ITFG1: variants seen among roughly 807,000 people sequenced by gnomAD.
ITFG1 encodes T-cell immunomodulatory protein.
In ITFG1, 34 loss-of-function variants were observed where a neutral mutation model predicts 81.8. That is an observed-to-expected ratio of 0.42 (90% CI 0.32 to 0.55). ITFG1 has a LOEUF of 0.55. Ranked by LOEUF, ITFG1 falls within the 20% of genes least tolerant of loss-of-function variation. The pLI is 0.17. For synonymous variants in ITFG1, 285 were observed against 270.6 expected (o/e 1.05, Z -0.52); for missense variants, 672 against 755.4 (o/e 0.89, Z 1.29).
rs150884858 is a variant in ITFG1 at position 47,170,517 on chromosome 16, C to G, written c.1454-7853G>C. On this transcript the variant is annotated intron_variant, in intron 14 of 17. Transcript: ENST00000320640. The stretch of plus-strand genomic sequence containing the variant: ...TGATCTTGGCTCACTGCAACCTTTA[C>G]CTCCTGTGTTCAAGTGATTCTCCTG... Among the ~76,000 whole-genome samples the G allele has an allele frequency of 3.3e-3, 502 of 151,828 alleles. 3 individuals are homozygous for G. Among genetic ancestry groups the G allele is most frequent in the African/African-American group, 0.012 (483 of 41,372 alleles).
intron 14 of ITFG1, among the ~76,000 whole-genome samples, chr16:47,206,023 G>A (rs997780347): frequency 5.3e-5 from 8 of 151,968 alleles, no homozygotes; most frequent in Non-Finnish European, 8.8e-5. Context: ...CCGCCACCAC[G>A]CCTGGCTAAT....
chr16:47,436,685 T>G (rs1250147376), intron 5 of ITFG1, among the ~76,000 whole-genome samples: 1 of 152,176 alleles, frequency 6.6e-6, no homozygotes, highest in Non-Finnish European at 1.5e-5. Context: ...CTCAGTTTTT[T>G]GAACCCCTCT....
intron 12 of ITFG1, among the ~76,000 whole-genome samples, chr16:47,246,549 C>G (rs1482180079): frequency 6.6e-6 from 1 of 152,168 alleles, no homozygotes; most frequent in African/African-American, 2.4e-5. Flanking sequence ...AAAGGTTTAT[C>G]TGTGTCCACT....
At chr16:47,404,433 A>T (rs567922952) in intron 6 of ITFG1, among the ~76,000 whole-genome samples, 48 of 152,334 alleles carry the variant, frequency 3.2e-4, no homozygotes, top group African/African-American at 1.0e-3. Context: ...CATTTAAAAA[A>T]TGTGAAATAA....
intron 8 of ITFG1, among the ~76,000 whole-genome samples, chr16:47,324,749 A>G (rs1010450701): frequency 2.6e-5 from 4 of 152,224 alleles, no homozygotes; most frequent in African/African-American, 9.6e-5. Flanking sequence ...GCCACTACAT[A>G]ATGGTAAAGG....
At chr16:47,401,626 G>T (rs1328431652) in intron 6 of ITFG1, among the ~76,000 whole-genome samples, 1 of 152,166 alleles carries the variant, frequency 6.6e-6, no homozygotes, top group Non-Finnish European at 1.5e-5. Context: ...ATGGGACTGG[G>T]TGTCTGAAAC....
intron 13 of ITFG1, among the ~76,000 whole-genome samples, chr16:47,228,428 C>T (rs1284718396): frequency 1.3e-5 from 2 of 152,222 alleles, no homozygotes; most frequent in Admixed American, 6.5e-5. Flanking sequence ...GGCGCGATCA[C>T]AGCTCACTAC....
chr16:47,239,756 C>G (rs988109025), intron 12 of ITFG1, among the ~76,000 whole-genome samples: 1 of 152,202 alleles, frequency 6.6e-6, no homozygotes, highest in African/African-American at 2.4e-5. Context: ...AAAACCCTAA[C>G]TTCTCACTCT....
intron 8 of ITFG1, among the ~76,000 whole-genome samples, chr16:47,354,679 A>C (rs1327454425): frequency 1.3e-5 from 2 of 152,154 alleles, no homozygotes; most frequent in Non-Finnish European, 2.9e-5. Flanking sequence ...AGAATTAATA[A>C]GGAACCCAAA....
chr16:47,391,980 G>A (rs555887484), intron 6 of ITFG1, among the ~76,000 whole-genome samples: 7 of 152,202 alleles, frequency 4.6e-5, no homozygotes, highest in South Asian at 4.2e-4. Flanking sequence ...ATTTCTTGGC[G>A]GAAACTTTTG....
chr16:47,420,763 GC>G (rs1489946924), intron 6 of ITFG1, among the ~76,000 whole-genome samples: 1 of 152,156 alleles, frequency 6.6e-6, no homozygotes, highest in Non-Finnish European at 1.5e-5. Flanking sequence ...TTTACCAGAA[GC>G]AAATGCTGGT....
intron 8 of ITFG1, among the ~76,000 whole-genome samples, chr16:47,326,252 G>A (rs1967539599): frequency 6.6e-6 from 1 of 152,080 alleles, no homozygotes; most frequent in African/African-American, 2.4e-5. Context: ...ATGCAGAAAT[G>A]GCCTTTGACA....
At chr16:47,278,658 A>G (rs1966422273) in intron 10 of ITFG1, among the ~76,000 whole-genome samples, 1 of 152,200 alleles carries the variant, frequency 6.6e-6, no homozygotes, top group South Asian at 2.1e-4. Flanking sequence ...TATAGAAAAA[A>G]AAGTTGTGAA....
At chr16:47,229,843 T>C (rs1965796299) in intron 13 of ITFG1, among the ~76,000 whole-genome samples, 1 of 152,184 alleles carries the variant, frequency 6.6e-6, no homozygotes, top group Admixed American at 6.5e-5. Context: ...TTAAAGAGTT[T>C]AGAGTAGTCG....
At chr16:47,190,272 T>C (rs1396010376) in intron 14 of ITFG1, among the ~76,000 whole-genome samples, 2 of 152,170 alleles carry the variant, frequency 1.3e-5, no homozygotes, top group Admixed American at 6.5e-5. Flanking sequence ...TAAAAGATGC[T>C]TACCTACTTT....
intron 6 of ITFG1, among the ~76,000 whole-genome samples, chr16:47,380,865 A>G (rs1968387809): frequency 6.6e-6 from 1 of 152,246 alleles, no homozygotes; most frequent in African/African-American, 2.4e-5. Context: ...AAAAGATCAC[A>G]TCATGATTTC....
At chr16:47,433,857 AATATATATATATATATAT>A (rs4038737) in intron 5 of ITFG1, among the ~76,000 whole-genome samples, 3,281 of 38,394 alleles carry the variant, frequency 0.085, 151 homozygotes, top group African/African-American at 0.15. Flanking sequence ...ATAAAAACTG[AATATATATATATATATAT>A]ATATATATAT....
At chr16:47,158,434 G>T (rs750915062) in intron 17 of ITFG1, among the ~76,000 whole-genome samples, 68 of 152,234 alleles carry the variant, frequency 4.5e-4, no homozygotes, top group Non-Finnish European at 7.9e-4. Flanking sequence ...TAAACCTCAA[G>T]AAAATAATTT....
At chr16:47,315,055 ATTTC>A (rs1477293650) in intron 8 of ITFG1, among the ~76,000 whole-genome samples, 6 of 152,284 alleles carry the variant, frequency 3.9e-5, no homozygotes, top group Middle Eastern at 3.4e-3. Context: ...TAAAAAATGA[ATTTC>A]TTTCATTTAA....
Sources: allele counts gnomAD v4.1 joint callset (sites outside exome capture counted in the v4.1 genomes callset), GRCh38; gene constraint gnomAD v4.1.1; transcripts MANE v1.5; gene names NCBI Gene and HGNC (gene_info 2026-07-23, HGNC 2026-07-21).